Variants in MPRIP observed in about 807,000 individuals in gnomAD.
MPRIP encodes the protein myosin phosphatase Rho interacting protein, also known as myosin phosphatase Rho-interacting protein.
A neutral mutation model predicts 234.9 loss-of-function variants in MPRIP; 59 were observed. The ratio of observed to expected loss-of-function variants is 0.25; its 90% CI spans 0.20 to 0.31. MPRIP has a LOEUF of 0.31. Among genes scored for constraint, MPRIP ranks in the 10% least tolerant of loss-of-function variants. MPRIP has a pLI of 1.00. For missense variants in MPRIP, 2,436 were observed against 3,071.0 expected (o/e 0.79, Z 4.89); for synonymous variants, 1,144 against 1,263.9 (o/e 0.91, Z 2.01).
intron 11 of MPRIP, among the ~76,000 whole-genome samples, chr17:17,147,662 C>T (rs543592927): frequency 5.4e-4 from 83 of 152,320 alleles, no homozygotes; most frequent in African/African-American, 1.9e-3. Context: ...ATTAAGTGCC[C>T]AGTGCAGTGG....
intron 4 of MPRIP, among the ~76,000 whole-genome samples, chr17:17,130,608 G>A (rs528500751): frequency 6.6e-6 from 1 of 152,204 alleles, no homozygotes; most frequent in South Asian, 2.1e-4. Context: ...GGCCCAGGCT[G>A]CCAGCAGGCC....
At chr17:17,161,780 A>T (rs2045876504) in intron 15 of MPRIP, among the ~76,000 whole-genome samples, 1 of 152,204 alleles carries the variant, frequency 6.6e-6, no homozygotes, top group South Asian at 2.1e-4. Flanking sequence ...GCCTGCTTAC[A>T]ACCAACAGCA....
chr17:17,079,138 G>A (rs1567700225), intron 3 of MPRIP, among the ~76,000 whole-genome samples: 1 of 152,112 alleles, frequency 6.6e-6, no homozygotes, highest in African/African-American at 2.4e-5. Flanking sequence ...AGAAGTGGGC[G>A]TGTTTGTACT....
At chr17:17,083,138 C>A (rs1423032583) in intron 3 of MPRIP, among the ~76,000 whole-genome samples, 2 of 152,240 alleles carry the variant, frequency 1.3e-5, no homozygotes, top group Admixed American at 1.3e-4. Context: ...AGCTGCCTGA[C>A]TGTGTAGGGG....
rs758637103 is a variant in MPRIP, at chr17:17,165,074, T to A, written c.3483T>A (p.Thr1161=). 8 of 1,303,102 alleles carry A rather than the reference T, an allele frequency of 6.1e-6. No individual in the cohort carries two copies. The highest frequency in any genetic ancestry group is 5.1e-6 in the Non-Finnish European group (5 of 988,938). 80.7% of individuals were successfully genotyped at this position (1,303,102 alleles called of 1,614,324 possible). A position where few individuals can be genotyped will look rare whatever the true frequency, so the allele number is the denominator to read the frequency against. The part of the protein sequence containing the change: ...RVSSQLQSMH[T]LLREKEEELE... Reference sequence around the variant, plus strand: ...CCAGCCAGCTGCAGAGCATGCACACTCTGCTGAGAGAGAAGGAGGAAGAGC... The same window carrying A: ...CCAGCCAGCTGCAGAGCATGCACACACTGCTGAGAGAGAAGGAGGAAGAGC... Residue 1161 remains threonine, a synonymous_variant, in exon 16 of 24, where the codon ACT becomes ACA. Transcript: ENST00000651222.
intron 7 of MPRIP, among the ~76,000 whole-genome samples, chr17:17,140,584 A>C (rs1448369245): frequency 6.6e-6 from 1 of 152,032 alleles, no homozygotes; most frequent in African/African-American, 2.4e-5. Context: ...GGCCACACCT[A>C]CCTGAAATGG....
At chr17:17,075,811 C>T (rs1231671824) in intron 2 of MPRIP, 24 bp downstream of exon 2, 1 of 1,611,372 alleles carries the variant, frequency 6.2e-7, no homozygotes, top group Admixed American at 1.7e-5. Flanking sequence ...AGCCAACTCT[C>T]AGGGAGGAAC....
intron 3 of MPRIP, among the ~76,000 whole-genome samples, chr17:17,097,896 T>G (rs2089881573): frequency 1.3e-5 from 2 of 152,228 alleles, no homozygotes; most frequent in Admixed American, 1.3e-4. Context: ...TGTTTAAGAC[T>G]AAGTTTGTGG....
chr17:17,177,738 G>T (rs983555787), intron 22 of MPRIP, among the ~76,000 whole-genome samples: 1 of 152,128 alleles, frequency 6.6e-6, no homozygotes, highest in African/African-American at 2.4e-5. Flanking sequence ...TTGATCCTAG[G>T]ATTTGACTAT....
chr17:17,097,144 C>T (rs1334357302), intron 3 of MPRIP: 1 of 201,468 alleles, frequency 5.0e-6, no homozygotes, highest in Non-Finnish European at 1.0e-5. Flanking sequence ...CACCTAATGT[C>T]AGAAGTAAAA....
chr17:17,165,311 T>C lies in MPRIP; in HGVS notation c.3720T>C (p.Asp1240=), dbSNP rs1475561277. ...PRSTPEETER[D]GTLLPGQPVQ... is the part of the protein sequence containing the mutation. ...GTACCCCTGAAGAGACAGAAAGGGA[T>C]GGCACTTTGCTCCCAGGCCAACCAG... The change falls in exon 16 of 24, where the codon GAT becomes GAC. Residue 1240 remains aspartate (D), a synonymous_variant. Transcript: ENST00000651222. 7.7e-7 allele frequency: 1 copy of C among 1,304,064 alleles called. No homozygotes were observed. 80.8% of individuals were successfully genotyped at this position (1,304,064 alleles called of 1,614,324 possible).
chr17:17,067,036 T>C (rs9900103), intron 1 of MPRIP, among the ~76,000 whole-genome samples: 21 of 152,004 alleles, frequency 1.4e-4, no homozygotes, highest in Non-Finnish European at 5.9e-5. Flanking sequence ...GAATTACAGG[T>C]GTGAGCCACC....
intron 19 of MPRIP, among the ~76,000 whole-genome samples, chr17:17,174,527 A>AT (rs1401763597): frequency 6.6e-6 from 1 of 151,868 alleles, no homozygotes; most frequent in East Asian, 1.9e-4. Context: ...TTTTTGTCAG[A>AT]TTTTTTTTCT....
chr17:17,057,175 C>T (rs1362395671), intron 1 of MPRIP, among the ~76,000 whole-genome samples: 1 of 152,178 alleles, frequency 6.6e-6, no homozygotes, highest in African/African-American at 2.4e-5. Context: ...GGTGGGAGGG[C>T]TATGGGTGGG....
chr17:17,096,204 T>A (rs1016684534), intron 3 of MPRIP, among the ~76,000 whole-genome samples: 26 of 151,890 alleles, frequency 1.7e-4, no homozygotes, highest in African/African-American at 6.3e-4. Context: ...CCCTGTCCTT[T>A]CCCACACTGT....
intron 22 of MPRIP, among the ~76,000 whole-genome samples, chr17:17,178,932 A>G (rs1220511697): frequency 6.9e-6 from 1 of 145,434 alleles, no homozygotes; most frequent in Non-Finnish European, 1.5e-5. Context: ...AAAAAAAGAA[A>G]AAAAAAACCT....
intron 3 of MPRIP, among the ~76,000 whole-genome samples, chr17:17,095,315 A>T (rs1349411551): frequency 1.3e-5 from 2 of 152,102 alleles, no homozygotes; most frequent in African/African-American, 4.8e-5. Flanking sequence ...GTGTGTGTAT[A>T]TGGGGTGCGT....
Position 17,185,059 on chromosome 17 carries a change from C to T in MPRIP, c.*165C>T, listed in dbSNP as rs2046449426. The stretch of plus-strand genomic sequence containing the variant: ...GCGTGAGGCTGGCTTCTGGGTTGTC[C>T]ACACCACTCTCTGCTGTGTTGACTT... On this transcript the variant is annotated 3_prime_UTR_variant, in exon 24 of 24. Transcript: ENST00000651222. 5.7e-6 allele frequency: 3 copies of T among 522,588 alleles called. No individual in the cohort carries two copies. The highest frequency in any genetic ancestry group is 7.1e-6 in the Non-Finnish European group (2 of 279,994). The allele number at this position is 522,588 out of a possible 1,614,324, so 32.4% of individuals were successfully genotyped here. A position where few individuals can be genotyped will look rare whatever the true frequency, so the allele number is the denominator to read the frequency against.
At chr17:17,136,582 C>T in intron 6 of MPRIP, 132 bp downstream of exon 6, 1 of 867,916 alleles carries the variant, frequency 1.2e-6, no homozygotes, top group Non-Finnish European at 1.8e-6. Context: ...TGTCCATCAG[C>T]CCTGGGGGTA....
Sources: allele counts gnomAD v4.1 joint callset (sites outside exome capture counted in the v4.1 genomes callset), GRCh38; gene constraint gnomAD v4.1.1; transcripts MANE v1.5; gene names NCBI Gene and HGNC (gene_info 2026-07-23, HGNC 2026-07-21).